FNDC3A: variants seen among roughly 807,000 people sequenced by gnomAD.
FNDC3A encodes fibronectin type III domain containing 3A, also known as fibronectin type-III domain-containing protein 3A.
Under a neutral mutation model 148.9 loss-of-function variants are expected in FNDC3A, and 32 were observed. That is an observed-to-expected ratio of 0.21 (90% CI 0.16 to 0.29). FNDC3A has a LOEUF of 0.29. Ranked by LOEUF, FNDC3A falls within the 10% of genes least tolerant of loss-of-function variation. The pLI is 1.00. For synonymous variants in FNDC3A, 472 were observed against 473.6 expected, an observed-to-expected ratio of 1.00 and a Z score of 0.04; for missense variants, 1,191 against 1,452.8, an observed-to-expected ratio of 0.82 and a Z score of 2.93.
chr13:49,085,061 T>A (rs1185907635), intron 3 of FNDC3A, among the ~76,000 whole-genome samples: 1 of 152,152 alleles, frequency 6.6e-6, no homozygotes, highest in Admixed American at 6.6e-5. Flanking sequence ...TTTTTGAACA[T>A]AAGGGATGGT....
chr13:48,991,585 G>A (rs1407167421), intron 1 of FNDC3A, among the ~76,000 whole-genome samples: 1 of 152,088 alleles, frequency 6.6e-6, no homozygotes, highest in Non-Finnish European at 1.5e-5. Context: ...CTACTAGGAA[G>A]GCTGAGGTGG....
Position 49,187,122 on chromosome 13 carries a change from A to C in FNDC3A, c.1757A>C (p.Asp586Ala), listed in dbSNP as rs754863757. 15 of 1,610,392 alleles carry C rather than the reference A, an allele frequency of 9.3e-6. No homozygotes were observed. Among genetic ancestry groups the C allele is most frequent in the Admixed American group, 5.0e-5 (3 of 59,738 alleles). ...IHSHSFKITW[D>A]PPKDNGGATI... ...AATACTACTTTGCTTCTTTGGATAG[A>C]TCCACCAAAAGACAATGGCGGAGCA... Residue 586 changes from aspartate (D) to alanine (A), a missense_variant and splice_region_variant, in exon 16 of 26, where the codon GAT becomes GCT. Transcript: ENST00000492622.
intron 25 of FNDC3A, among the ~76,000 whole-genome samples, chr13:49,203,546 C>T (rs1463657727): frequency 6.6e-6 from 1 of 152,152 alleles, no homozygotes; most frequent in Non-Finnish European, 1.5e-5. Flanking sequence ...TCCCTTGCCT[C>T]CATGGAGCTT....
At chr13:49,165,826 G>A in intron 8 of FNDC3A, among the ~76,000 whole-genome samples, 1 of 152,162 alleles carries the variant, frequency 6.6e-6, no homozygotes. Flanking sequence ...GACAGGCTGG[G>A]CAAGCCAGTC....
At position 49,025,376 on chromosome 13, in the gene FNDC3A, G is replaced by A. The variant is rs1312449228; in HGVS notation, c.99+19087G>A. On this transcript the variant is annotated intron_variant, in intron 2 of 25. Transcript: ENST00000492622. ...TTTTCTTTTTTCAAGATTTCAGCAT[G>A]ACTCTGAGTAATCTATTACATTCTA... Among the ~76,000 whole-genome samples, 7 of 152,054 alleles carry A rather than the reference G, an allele frequency of 4.6e-5. No homozygotes were observed. In the East Asian group the frequency reaches 1.4e-3, roughly 29 times the overall value.
chr13:49,209,222 C>A lies in FNDC3A; in HGVS notation c.*1827C>A, dbSNP rs536847806. 116 of 152,666 alleles carry A rather than the reference C, an allele frequency of 7.6e-4. No individual in the cohort carries two copies. Among genetic ancestry groups the A allele is most frequent in the African/African-American group, 2.6e-3 (110 of 41,532 alleles). 9.5% of individuals were successfully genotyped at this position (152,666 alleles called of 1,614,324 possible). On this transcript the variant is annotated 3_prime_UTR_variant, in exon 26 of 26. Coordinates refer to ENST00000492622, the MANE Select transcript of FNDC3A (RefSeq NM_001079673.2). ...CAGAGATTTATATATAGTTGAATGTCTAAAATGGTAAAATGTGCCACTGTG... is the reference window on the plus strand; with the variant it reads ...CAGAGATTTATATATAGTTGAATGTATAAAATGGTAAAATGTGCCACTGTG...
At chr13:49,028,294 C>G (rs926927978) in intron 2 of FNDC3A, among the ~76,000 whole-genome samples, 1 of 152,090 alleles carries the variant, frequency 6.6e-6, no homozygotes, top group African/African-American at 2.4e-5. Flanking sequence ...GGGTCTTGCT[C>G]TATCACCAGG....
chr13:48,980,327 C>T (rs934741880), intron 1 of FNDC3A, among the ~76,000 whole-genome samples: 3 of 152,032 alleles, frequency 2.0e-5, no homozygotes, highest in Admixed American at 6.6e-5. Flanking sequence ...TGCTGGTGGT[C>T]TGTAAGTGAC....
intron 2 of FNDC3A, among the ~76,000 whole-genome samples, chr13:49,021,305 T>G (rs1453904474): frequency 6.6e-6 from 1 of 152,202 alleles, no homozygotes; most frequent in Non-Finnish European, 1.5e-5. Flanking sequence ...ACAAGCCAAC[T>G]GTGATGTTAA....
intron 2 of FNDC3A, among the ~76,000 whole-genome samples, chr13:49,054,441 G>C (rs1876078663): frequency 6.6e-6 from 1 of 152,144 alleles, no homozygotes; most frequent in Non-Finnish European, 1.5e-5. Context: ...TTGCACAGAG[G>C]ATAGTAAACT....
chr13:49,205,120 A>G (rs888009235), intron 25 of FNDC3A, among the ~76,000 whole-genome samples: 3 of 152,186 alleles, frequency 2.0e-5, no homozygotes, highest in African/African-American at 7.2e-5. Context: ...CACTGTTTTA[A>G]TGTCACACAC....
chr13:49,191,166 A>G (rs2138107387), intron 18 of FNDC3A, 43 bp from the exon 19 acceptor site: 1 of 1,601,914 alleles, frequency 6.2e-7, no homozygotes, highest in Non-Finnish European at 8.5e-7. Context: ...TAGAACAGGA[A>G]GTATTCGTCT....
chr13:49,037,500 G>A (rs1274136262), intron 2 of FNDC3A, among the ~76,000 whole-genome samples: 1 of 152,166 alleles, frequency 6.6e-6, no homozygotes, highest in Non-Finnish European at 1.5e-5. Flanking sequence ...AGAAGGATTA[G>A]GCATTCCAAA....
chr13:49,079,384 G>T (rs1253670503), intron 3 of FNDC3A, among the ~76,000 whole-genome samples: 1 of 152,196 alleles, frequency 6.6e-6, no homozygotes, highest in Admixed American at 6.5e-5. Flanking sequence ...TACACATAGG[G>T]TGTTATGGGA....
rs76631097 is a variant in FNDC3A, at chr13:49,108,523, C to G, written c.176-6132C>G. 6.8e-3 allele frequency among the ~76,000 whole-genome samples: 1,031 copies of G among 152,142 alleles called. 14 individuals carry two copies. The highest frequency in any genetic ancestry group is 0.023 in the African/African-American group (953 of 41,496). The stretch of plus-strand genomic sequence containing the variant: ...GCTTCATTTCAAGGCAACACAGGAA[C>G]AAGTGTTCTGTAAAAAGGTTGAGGA... On this transcript the variant is annotated intron_variant, in intron 3 of 25. Transcript: ENST00000492622.
intron 2 of FNDC3A, among the ~76,000 whole-genome samples, chr13:49,013,372 AT>A (rs1020852954): frequency 6.6e-6 from 1 of 151,954 alleles, no homozygotes; most frequent in African/African-American, 2.4e-5. Context: ...TGATGTCATA[AT>A]TTACATTAAT....
At chr13:49,193,347 A>G (rs1172813817) in intron 19 of FNDC3A, among the ~76,000 whole-genome samples, 3 of 151,898 alleles carry the variant, frequency 2.0e-5, no homozygotes, top group African/African-American at 7.3e-5. Flanking sequence ...TGCAACCTCA[A>G]CCTCCCAGGC....
At chr13:49,126,333 G>A (rs1460390154) in intron 4 of FNDC3A, among the ~76,000 whole-genome samples, 1 of 151,572 alleles carries the variant, frequency 6.6e-6, no homozygotes, top group African/African-American at 2.4e-5. Context: ...CCTTTTTTAA[G>A]TATACAGTTT....
intron 2 of FNDC3A, among the ~76,000 whole-genome samples, chr13:49,008,284 T>C (rs1952261897): frequency 6.6e-6 from 1 of 152,156 alleles, no homozygotes; most frequent in Non-Finnish European, 1.5e-5. Flanking sequence ...TAAGGGACTA[T>C]ATACAAAGCA....
Sources: gnomAD v4.1 joint callset for allele counts (sites outside exome capture counted in the v4.1 genomes callset) on GRCh38, gnomAD v4.1.1 for gene constraint, MANE v1.5 for transcripts, NCBI Gene and HGNC (gene_info 2026-07-23, HGNC 2026-07-21) for gene names.